Variants in EFNB2 observed in about 807,000 individuals in gnomAD.
EFNB2 encodes the protein ephrin B2, also known as ephrin-B2.
A neutral mutation model predicts 32.1 loss-of-function variants in EFNB2; 5 were observed. That is an observed-to-expected ratio of 0.16 (90% CI 0.08 to 0.33). The LOEUF is 0.33. EFNB2 is among the 10% of genes least tolerant of loss of function. The pLI is 1.00. For missense variants in EFNB2, 263 were observed against 422.6 expected (o/e 0.62, Z 3.31); for synonymous variants, 168 against 166.5 (o/e 1.01, Z -0.07).
In EFNB2 at chr13:106,534,979, C is replaced by T. The variant is rs754136833; in HGVS notation, c.-15G>A. The T allele has an allele frequency of 1.9e-6, 3 of 1,612,270 alleles. No individual in the cohort carries two copies. On this transcript the variant is annotated 5_prime_UTR_variant, in exon 1 of 5. Transcript: ENST00000646441. ...CTCACAGCCATGGCGAAGCCACTCC[C>T]AGCTCCGCGCACTCCGGGCCAAGAA... is the stretch of plus-strand genomic sequence containing the variant.
chr13:106,525,573 T>C (rs1348835543), intron 1 of EFNB2, among the ~76,000 whole-genome samples: 1 of 152,198 alleles, frequency 6.6e-6, no homozygotes, highest in African/African-American at 2.4e-5. Context: ...GCTTGCTTAC[T>C]ATTTTCTTTA....
At chr13:106,516,448 C>T (rs1169849023) in intron 1 of EFNB2, 1 of 152,270 alleles carries the variant, frequency 6.6e-6, no homozygotes, top group East Asian at 1.9e-4. Flanking sequence ...ATCCCATGTT[C>T]TTCATTTCAG....
At chr13:106,533,268 TCGCC>T (rs1355503021) in intron 1 of EFNB2, among the ~76,000 whole-genome samples, 1 of 131,518 alleles carries the variant, frequency 7.6e-6, no homozygotes, top group Non-Finnish European at 1.6e-5. Context: ...CGCGACCGCC[TCGCC>T]CGCCCGCCCG....
Position 106,495,756 on chromosome 13 carries a change from A to G in EFNB2, c.491T>C (p.Val164Ala). The change falls in exon 3 of 5, where the codon GTT becomes GCT. Residue 164 changes from valine (V) to alanine (A), a missense_variant. By Grantham distance (64) the Val-to-Ala change is moderately conservative. This residue lies in a region of EFNB2 where 172 missense variants were observed against 237.1 expected (regional missense o/e 0.73). Transcript: ENST00000646441. ...CAGCAGATGGTCTTTACCTTGTCCA[A>G]CTTTCATGAGGATCTTCATGGCTCT... is the stretch of plus-strand genomic sequence containing the variant. Reference protein sequence around the residue: ...QTRAMKILMKVGQDASSAGST... With the variant: ...QTRAMKILMKAGQDASSAGST... 1.2e-6 allele frequency: 2 copies of G among 1,614,010 alleles called. No individual in the cohort carries two copies. Among genetic ancestry groups the G allele is most frequent in the Non-Finnish European group, 1.7e-6 (2 of 1,179,954 alleles).
At chr13:106,533,436 T>C (rs947717016) in intron 1 of EFNB2, among the ~76,000 whole-genome samples, 3 of 152,218 alleles carry the variant, frequency 2.0e-5, no homozygotes, top group Non-Finnish European at 1.5e-5. Context: ...ATATAATCCA[T>C]GCAAGAGCAG....
chr13:106,508,357 A>G (rs929930097), intron 2 of EFNB2, among the ~76,000 whole-genome samples: 3 of 152,222 alleles, frequency 2.0e-5, no homozygotes, highest in African/African-American at 7.2e-5. Flanking sequence ...AAAAAACTTT[A>G]AAGACAATAA....
chr13:106,532,909 C>A (rs573510057), intron 1 of EFNB2, among the ~76,000 whole-genome samples: 1 of 151,826 alleles, frequency 6.6e-6, no homozygotes, highest in African/African-American at 2.4e-5. Flanking sequence ...AACGTCTAAA[C>A]CTTAGGTTGA....
At chr13:106,507,971 T>C (rs917884360) in intron 2 of EFNB2, among the ~76,000 whole-genome samples, 3 of 152,262 alleles carry the variant, frequency 2.0e-5, no homozygotes, top group Admixed American at 1.3e-4. Flanking sequence ...TACTGTTCAC[T>C]GGAAAAGTAT....
chr13:106,520,340 T>A (rs1273397209), intron 1 of EFNB2: 2 of 152,236 alleles, frequency 1.3e-5, no homozygotes, highest in Non-Finnish European at 2.9e-5. Flanking sequence ...ATGAGCAGTC[T>A]GCAGTTCTGC....
At chr13:106,524,961 G>A (rs1879649266) in intron 1 of EFNB2, among the ~76,000 whole-genome samples, 1 of 152,208 alleles carries the variant, frequency 6.6e-6, no homozygotes, top group African/African-American at 2.4e-5. Flanking sequence ...TAAGGTGAAA[G>A]TATTATGCTA....
At chr13:106,506,565 A>G (rs1226231560) in intron 2 of EFNB2, 1 of 152,180 alleles carries the variant, frequency 6.6e-6, no homozygotes, top group Non-Finnish European at 1.5e-5. Flanking sequence ...AAGATCTTAT[A>G]ATTAAGTTAT....
chr13:106,510,752 G>T (rs1257119370), intron 2 of EFNB2, among the ~76,000 whole-genome samples: 2 of 151,172 alleles, frequency 1.3e-5, no homozygotes, highest in African/African-American at 2.5e-5. Context: ...GGTGGCTCAC[G>T]CCTGGAATCC....
chr13:106,497,189 G>A (rs1878618011), intron 2 of EFNB2, among the ~76,000 whole-genome samples: 1 of 152,080 alleles, frequency 6.6e-6, no homozygotes, highest in Non-Finnish European at 1.5e-5. Context: ...TTGTCTTTGT[G>A]GTCTTGAATT....
At chr13:106,503,225 ATC>A (rs1388213068) in intron 2 of EFNB2, among the ~76,000 whole-genome samples, 1 of 152,150 alleles carries the variant, frequency 6.6e-6, no homozygotes, top group African/African-American at 2.4e-5. Flanking sequence ...TGCAGGTGGA[ATC>A]TCTCAGTTAA....
In EFNB2 at chr13:106,495,013, AT is replaced by A; in HGVS notation, c.500-20del. 1.3e-6 allele frequency: 2 copies of A among 1,590,722 alleles called. No homozygotes were observed. The highest frequency in any genetic ancestry group is 1.7e-6 in the Non-Finnish European group (2 of 1,158,812). On this transcript the variant is annotated intron_variant, in intron 3 of 4. Transcript: ENST00000646441. Reference sequence around the variant, plus strand: ...CTTGCATCTATATGAAAAACAAATGATTAATTACGGCACAGACATCTGACAA... The same window carrying A: ...CTTGCATCTATATGAAAAACAAATGATAATTACGGCACAGACATCTGACAA...
chr13:106,532,042 GT>G (rs1879887724), intron 1 of EFNB2, among the ~76,000 whole-genome samples: 1 of 140,692 alleles, frequency 7.1e-6, no homozygotes, highest in Admixed American at 7.4e-5. Context: ...AGGCATTACT[GT>G]TCTCTGCTGA....
rs1188959755 is a variant in EFNB2, at chr13:106,535,587, G to T, written c.-623C>A. On this transcript the variant is annotated 5_prime_UTR_variant, in exon 1 of 5. Coordinates refer to ENST00000646441, the MANE Select transcript of EFNB2 (RefSeq NM_004093.4). ...GACGCGCGCGGGCCTTTGTGTGCGG[G>T]GAGGGCGCCGGGACCCGCTGCGTGC... 3 of 150,536 alleles carry T rather than the reference G, an allele frequency of 2.0e-5. No homozygotes were observed. Among genetic ancestry groups the T allele is most frequent in the Non-Finnish European group, 4.4e-5 (3 of 67,470 alleles). 9.3% of individuals were successfully genotyped at this position (150,536 alleles called of 1,614,324 possible).
At chr13:106,499,863 A>G (rs1878714497) in intron 2 of EFNB2, among the ~76,000 whole-genome samples, 1 of 152,340 alleles carries the variant, frequency 6.6e-6, no homozygotes, top group Admixed American at 6.5e-5. Flanking sequence ...GTAAGTATAT[A>G]GAAGTCACTA....
chr13:106,526,800 G>A (rs1474512412), intron 1 of EFNB2, among the ~76,000 whole-genome samples: 1 of 152,188 alleles, frequency 6.6e-6, no homozygotes, highest in African/African-American at 2.4e-5. Flanking sequence ...GTAAGCCCAG[G>A]TAAAGGTGTG....
Sources: allele counts gnomAD v4.1 joint callset (sites outside exome capture counted in the v4.1 genomes callset), GRCh38; gene constraint gnomAD v4.1.1; regional missense constraint gnomAD v4.1.1; transcripts MANE v1.5; gene names NCBI Gene and HGNC (gene_info 2026-07-23, HGNC 2026-07-21).